Variants in HIBCH observed in about 807,000 individuals in gnomAD.
HIBCH encodes the protein 3-hydroxyisobutyryl-CoA hydrolase, mitochondrial.
In HIBCH, 50 loss-of-function variants were observed where a neutral mutation model predicts 58.2. The observed-to-expected ratio is 0.86, with a 90% CI of 0.68 to 1.09. The LOEUF (loss-of-function observed/expected upper bound fraction) is 1.09. Ranked by LOEUF, HIBCH falls within the 50% of genes least tolerant of loss-of-function variation. The probability of loss-of-function intolerance (pLI) is 0.00; values close to 1 mark genes in which losing one functional copy is unlikely to be tolerated. For synonymous variants in HIBCH, 151 were observed against 146.9 expected (o/e 1.03, Z -0.20); for missense variants, 450 against 449.7 (o/e 1.00, Z -0.01).
At chr2:190,228,379 C>T (rs35214387) in intron 11 of HIBCH, among the ~76,000 whole-genome samples, 32,036 of 138,020 alleles carry the variant, frequency 0.23, 3,827 homozygotes, top group Middle Eastern at 0.33. Flanking sequence ...GAGCGGGGAA[C>T]ACCACACACC....
rs1688688931 is a variant in HIBCH, at chr2:190,315,384, A to G, written c.35+4332T>C. Among the ~76,000 whole-genome samples, 1 of 152,240 alleles carries G rather than the reference A, an allele frequency of 6.6e-6. No individual in the cohort carries two copies. Among genetic ancestry groups the G allele is most frequent in the Non-Finnish European group, 1.5e-5 (1 of 68,042 alleles). The stretch of plus-strand genomic sequence containing the variant: ...CATCAACATCCCCTGGAAACTGACT[A>G]GAAACTGAAATTCTCTGCCCCACCC... On this transcript the variant is annotated intron_variant, in intron 1 of 13. Transcript: ENST00000359678. This position sits in a 1 kb window ranked among gnomAD's most constrained non-coding sequence, Gnocchi z 5.4.
chr2:190,281,839 A>T lies in HIBCH; in HGVS notation c.438+5747T>A, dbSNP rs1687712332. ...CCAGGCATTCTAATTCATGGCTCTA[A>T]ATTCCTGAATTCCATAAAGCCCTCA... On this transcript the variant is annotated intron_variant, in intron 6 of 13. Transcript: ENST00000359678. The surrounding 1 kb of genome is among the most constrained non-coding windows in gnomAD (Gnocchi z 5.4). Among the ~76,000 whole-genome samples, 1 of 152,156 alleles carries T rather than the reference A, an allele frequency of 6.6e-6. No homozygotes were observed. The highest frequency in any genetic ancestry group is 2.4e-5 in the African/African-American group (1 of 41,426).
At chr2:190,299,952 G>GA (rs1262535624) in intron 2 of HIBCH, among the ~76,000 whole-genome samples, 1 of 101,336 alleles carries the variant, frequency 9.9e-6, no homozygotes, top group South Asian at 3.5e-4. Context: ...GTTTGCTAAG[G>GA]ATGATGGCCT....
At chr2:190,200,902 C>CTT (rs1261447384), downstream of HIBCH, 3 of 166,982 alleles carry the variant, frequency 1.8e-5, no homozygotes, top group Non-Finnish European at 4.4e-5. Context: ...TCCAATAAAT[C>CTT]TTAAAAATAA....
intron 7 of HIBCH, among the ~76,000 whole-genome samples, chr2:190,252,981 G>C (rs572400230): frequency 6.6e-6 from 1 of 152,262 alleles, no homozygotes; most frequent in South Asian, 2.1e-4. Context: ...CTGAGGTCAG[G>C]AGTTCAAGAC....
At chr2:190,291,361 G>C (rs1261610678) in intron 4 of HIBCH, among the ~76,000 whole-genome samples, 1 of 152,150 alleles carries the variant, frequency 6.6e-6, no homozygotes, top group African/African-American at 2.4e-5. Flanking sequence ...AATGGGAGCA[G>C]GAGATGTGTA....
chr2:190,307,223 A>G (rs1230554151), intron 2 of HIBCH, among the ~76,000 whole-genome samples: 1 of 152,214 alleles, frequency 6.6e-6, no homozygotes, highest in African/African-American at 2.4e-5. Flanking sequence ...CATGAAAATG[A>G]TATACACAGT....
Position 190,207,894 on chromosome 2 carries a change from A to C in HIBCH, c.1045+986T>G, listed in dbSNP as rs1389983828. On this transcript the variant is annotated intron_variant, in intron 13 of 13. Coordinates refer to ENST00000359678, the MANE Select transcript of HIBCH (RefSeq NM_014362.4). The surrounding 1 kb of genome is among the most constrained non-coding windows in gnomAD (Gnocchi z 4.5). ...AGACCCTGTCTCCAAAAAAAATAAA[A>C]TAAAATAAAAAAAACAAAGGATATC... Among the ~76,000 whole-genome samples the C allele has an allele frequency of 6.6e-6, 1 of 152,078 alleles. No individual in the cohort carries two copies. Among genetic ancestry groups the C allele is most frequent in the Non-Finnish European group, 1.5e-5 (1 of 68,004 alleles).
intron 11 of HIBCH, 100 bp from the exon 12 acceptor site, chr2:190,213,175 A>G (rs1329301368): frequency 2.0e-6 from 2 of 1,006,374 alleles, no homozygotes; most frequent in Non-Finnish European, 3.1e-6. Context: ...AAATATGCCA[A>G]AATCTCATAA....
chr2:190,290,051 G>T (rs958826734), intron 5 of HIBCH, among the ~76,000 whole-genome samples: 4 of 152,080 alleles, frequency 2.6e-5, no homozygotes, highest in Non-Finnish European at 5.9e-5. Flanking sequence ...GCTGATTTTT[G>T]TATTTTTAGT....
chr2:190,317,087 T>TA (rs1335389723), intron 1 of HIBCH, among the ~76,000 whole-genome samples: 1 of 152,154 alleles, frequency 6.6e-6, no homozygotes, highest in East Asian at 1.9e-4. Flanking sequence ...CTAGTTTTTT[T>TA]ATTTCTTATT....
chr2:190,291,391 C>T (rs1444252414), intron 4 of HIBCH, among the ~76,000 whole-genome samples: 4 of 152,026 alleles, frequency 2.6e-5, no homozygotes, highest in Non-Finnish European at 5.9e-5. Flanking sequence ...AAGAAGGCTT[C>T]CTAGAAGAGG....
At chr2:190,194,498 ACACACACACACACACACACACG>A (rs1355285684) in intron 1 of HIBCH, among the ~76,000 whole-genome samples, 6 of 145,698 alleles carry the variant, frequency 4.1e-5, no homozygotes, top group Non-Finnish European at 7.7e-5. Context: ...ACACACACAC[ACACACACACACACACACACACG>A]CAGCATCTCC....
chr2:190,277,791 C>T (rs374845953), intron 6 of HIBCH, among the ~76,000 whole-genome samples: 95 of 152,282 alleles, frequency 6.2e-4, no homozygotes, highest in East Asian at 1.2e-3. Context: ...AAATGCCTTG[C>T]GGTAGCCAAT....
intron 11 of HIBCH, among the ~76,000 whole-genome samples, chr2:190,226,580 A>T (rs1685904080): frequency 7.4e-6 from 1 of 134,494 alleles, no homozygotes; most frequent in African/African-American, 2.7e-5. Context: ...GGGCAACAAG[A>T]GTGAAACTCC....
chr2:190,221,161 TA>T (rs1470706143), intron 11 of HIBCH, among the ~76,000 whole-genome samples: 1 of 152,196 alleles, frequency 6.6e-6, no homozygotes, highest in Admixed American at 6.5e-5. Context: ...AGAGATTTCA[TA>T]AAATTCTAAT....
rs200205749 is a variant in HIBCH, at chr2:190,261,261, C to CG, written c.439-28dup. 1,806 of 1,500,770 alleles carry CG rather than the reference C, an allele frequency of 1.2e-3. 29 individuals are homozygous for CG. In the African/African-American group the frequency reaches 0.022, roughly 18 times the overall value. 93.0% of individuals were successfully genotyped at this position (1,500,770 alleles called of 1,614,324 possible). ...TAGAGAAAAAAGGCAAAAAAAGAGG[C>CG]GGGGGGGAATTAAACATATTGTTAA... On this transcript the variant is annotated intron_variant, in intron 6 of 13. Transcript: ENST00000359678.
chr2:190,306,516 T>C lies in HIBCH; in HGVS notation c.78+4238A>G, dbSNP rs993379857. Among the ~76,000 whole-genome samples, 1 of 152,150 alleles carries C rather than the reference T, an allele frequency of 6.6e-6. No individual in the cohort carries two copies. The highest frequency in any genetic ancestry group is 2.1e-4 in the South Asian group (1 of 4,822). On this transcript the variant is annotated intron_variant, in intron 2 of 13. Coordinates refer to ENST00000359678, the MANE Select transcript of HIBCH (RefSeq NM_014362.4). This position sits in a 1 kb window ranked among gnomAD's most constrained non-coding sequence, Gnocchi z 4.6. The stretch of plus-strand genomic sequence containing the variant: ...GGTTTCCCAAATTGCATGACAGTTG[T>C]ACTGTCATGCAATATACTGCATATG...
intron 5 of HIBCH, among the ~76,000 whole-genome samples, chr2:190,289,545 A>C (rs2105984185): frequency 6.6e-6 from 1 of 152,310 alleles, no homozygotes; most frequent in Non-Finnish European, 1.5e-5. Context: ...GCACTGAGGA[A>C]AGCAAAAAAA....
Sources: allele counts gnomAD v4.1 joint callset (sites outside exome capture counted in the v4.1 genomes callset), GRCh38; gene constraint gnomAD v4.1.1; non-coding constraint Gnocchi (gnomAD v3.1); transcripts MANE v1.5; gene names NCBI Gene and HGNC (gene_info 2026-07-23, HGNC 2026-07-21).